CPB2: variants seen among roughly 807,000 people sequenced by gnomAD.
CPB2 encodes carboxypeptidase B2, also known as carboxypeptidase B-like protein.
CPB2 carries 54 observed loss-of-function variants against 57.0 expected under a neutral mutation model. That is an observed-to-expected ratio of 0.95 (90% CI 0.76 to 1.19). The LOEUF (loss-of-function observed/expected upper bound fraction) is 1.19, where lower values mean the gene tolerates loss of function less well. CPB2 is among the 50% of genes most tolerant of loss of function. CPB2 has a pLI of 0.00. For missense variants in CPB2, 426 were observed against 512.0 expected (o/e 0.83, Z 1.62); for synonymous variants, 189 against 178.1 (o/e 1.06, Z -0.49).
intron 1 of CPB2, among the ~76,000 whole-genome samples, chr13:46,094,315 A>G (rs1267980253): frequency 6.6e-6 from 1 of 152,160 alleles, no homozygotes; most frequent in Non-Finnish European, 1.5e-5. Flanking sequence ...AAACTACCCT[A>G]ACAGCATGTT....
In CPB2 at chr13:46,059,963, G is replaced by A. The variant is rs17844235; in HGVS notation, c.797-1582C>T. On this transcript the variant is annotated intron_variant, in intron 8 of 10. Coordinates refer to ENST00000181383, the MANE Select transcript of CPB2 (RefSeq NM_001872.5). ...TTGGATAAACCATTTTTGATAGTTC[G>A]GTCACCTTTGAATATTCCTGCCCTT... Among the ~76,000 whole-genome samples, 770 of 152,018 alleles carry A rather than the reference G, an allele frequency of 5.1e-3. 12 individuals carry two copies. Among genetic ancestry groups the A allele is most frequent in the African/African-American group, 0.017 (722 of 41,464 alleles).
intron 1 of CPB2, 56 bp downstream of exon 1, chr13:46,104,880 T>C (rs2045474877): frequency 2.5e-6 from 4 of 1,605,874 alleles, no homozygotes; most frequent in Non-Finnish European, 3.4e-6. Flanking sequence ...TGACACGACA[T>C]GAGGCAAACA....
chr13:46,075,414 T>G (rs1271774984), intron 5 of CPB2, among the ~76,000 whole-genome samples: 1 of 152,262 alleles, frequency 6.6e-6, no homozygotes, highest in Admixed American at 6.5e-5. Context: ...TCACATTATC[T>G]GCACATCCTT....
At chr13:46,085,072 G>C (rs895140291) in intron 2 of CPB2, among the ~76,000 whole-genome samples, 2 of 151,824 alleles carry the variant, frequency 1.3e-5, no homozygotes, top group African/African-American at 4.8e-5. Context: ...GGATGGTCTC[G>C]ATCTCCTGAC....
In CPB2 at chr13:46,067,343, C is replaced by T. The variant is rs143192437; in HGVS notation, c.666G>A (p.Val222=). 4.4e-5 allele frequency: 70 copies of T among 1,590,880 alleles called. No homozygotes were observed. In the African/African-American group the frequency reaches 6.5e-4, roughly 15 times the overall value. Residue 222 remains valine (V), a synonymous_variant, in exon 7 of 11, where the codon GTG becomes GTA. Transcript: ENST00000181383. The part of the protein sequence containing the change: ...LRLVDFYVMP[V]VNVDGYDYSW... The stretch of plus-strand genomic sequence containing the variant: ...AGTAGTCATAACCATCCACATTAAC[C>T]ACTGGCATAACATAGAAATCCACAA...
intron 2 of CPB2, among the ~76,000 whole-genome samples, chr13:46,085,731 T>C (rs2045193362): frequency 6.6e-6 from 1 of 152,176 alleles, no homozygotes; most frequent in Admixed American, 6.5e-5. Flanking sequence ...CTCTGCTTCT[T>C]GGAAAACACT....
intron 6 of CPB2, among the ~76,000 whole-genome samples, chr13:46,070,504 T>A (rs2139370099): frequency 6.6e-6 from 1 of 152,228 alleles, no homozygotes; most frequent in Admixed American, 6.5e-5. Flanking sequence ...TTCCTCTCAC[T>A]TTGCCTGGGG....
chr13:46,073,758 A>G lies in CPB2; in HGVS notation c.591+115T>C, dbSNP rs984388445. ...AACTTGTGAAAATTGTAGATTCCCA[A>G]GCTTCATGATGTGACCTAGGAAAAT... is the stretch of plus-strand genomic sequence containing the variant. On this transcript the variant is annotated intron_variant, in intron 6 of 10. Coordinates refer to ENST00000181383, the MANE Select transcript of CPB2 (RefSeq NM_001872.5). 5 of 608,352 alleles carry G rather than the reference A, an allele frequency of 8.2e-6. No individual in the cohort carries two copies. The South Asian group carries it at 2.0e-4, about 24-fold the overall frequency. 37.7% of individuals were successfully genotyped at this position (608,352 alleles called of 1,614,324 possible). A position where few individuals can be genotyped will look rare whatever the true frequency, so the allele number is the denominator to read the frequency against.
chr13:46,064,880 C>A, intron 7 of CPB2, 139 bp from the exon 8 acceptor site: 1 of 663,762 alleles, frequency 1.5e-6, no homozygotes. Flanking sequence ...CATCACATCA[C>A]TGTTGTTGCA....
chr13:46,085,248 A>AG, intron 2 of CPB2, among the ~76,000 whole-genome samples: 1 of 152,234 alleles, frequency 6.6e-6, no homozygotes, highest in Non-Finnish European at 1.5e-5. Flanking sequence ...GAAGAAATTA[A>AG]GGTTCATACC....
intron 1 of CPB2, among the ~76,000 whole-genome samples, chr13:46,090,540 T>C (rs2045276875): frequency 6.6e-6 from 1 of 151,486 alleles, no homozygotes; most frequent in Non-Finnish European, 1.5e-5. Context: ...TTTTTGTATT[T>C]TTTAGTAGAG....
intron 1 of CPB2, among the ~76,000 whole-genome samples, chr13:46,093,238 G>A (rs556413576): frequency 6.6e-6 from 1 of 152,170 alleles, no homozygotes; most frequent in Admixed American, 6.5e-5. Context: ...AGGGTGGAGG[G>A]TGGCTTTATT....
At chr13:46,088,137 A>T (rs1266460176) in intron 1 of CPB2, among the ~76,000 whole-genome samples, 2 of 152,170 alleles carry the variant, frequency 1.3e-5, no homozygotes. Flanking sequence ...GGGAATATTT[A>T]TGCTGATCCT....
chr13:46,054,000 T>G, intron 10 of CPB2, among the ~76,000 whole-genome samples: 1 of 152,224 alleles, frequency 6.6e-6, no homozygotes, highest in East Asian at 1.9e-4. Flanking sequence ...TTCCCTAGAA[T>G]AGATTTGCTA....
chr13:46,082,159 T>G (rs2045128095), intron 4 of CPB2, among the ~76,000 whole-genome samples: 1 of 152,204 alleles, frequency 6.6e-6, no homozygotes, highest in Non-Finnish European at 1.5e-5. Context: ...AAAGCCCCAA[T>G]TCTTTAATTT....
In CPB2 at chr13:46,067,339, T is replaced by C. The variant is rs2044871814; in HGVS notation, c.670A>G (p.Asn224Asp). The C allele has an allele frequency of 6.3e-7, 1 of 1,586,666 alleles. No individual in the cohort carries two copies. The highest frequency in any genetic ancestry group is 8.7e-7 in the Non-Finnish European group (1 of 1,155,296). The change falls in exon 7 of 11, where the codon AAT becomes GAT. Residue 224 changes from asparagine to aspartate, a missense_variant. Physicochemically the swap from Asn to Asp is conservative, Grantham distance 23. Coordinates refer to ENST00000181383, the MANE Select transcript of CPB2 (RefSeq NM_001872.5). ...CATGAGTAGTCATAACCATCCACATTAACCACTGGCATAACATAGAAATCC... is the reference window on the plus strand; with the variant it reads ...CATGAGTAGTCATAACCATCCACATCAACCACTGGCATAACATAGAAATCC... ...LVDFYVMPVV[N>D]VDGYDYSWKK...
chr13:46,059,978 T>C (rs780457705), intron 8 of CPB2, among the ~76,000 whole-genome samples: 12 of 152,342 alleles, frequency 7.9e-5, no homozygotes, highest in South Asian at 2.1e-4. Flanking sequence ...CCTTTGAATA[T>C]TCCTGCCCTT....
intron 4 of CPB2, among the ~76,000 whole-genome samples, chr13:46,080,372 G>C (rs865910596): frequency 2.0e-5 from 3 of 152,316 alleles, no homozygotes; most frequent in Middle Eastern, 3.4e-3. Context: ...AGAGCAAAAT[G>C]CTTATGGTTC....
chr13:46,093,790 T>C (rs2045328216), intron 1 of CPB2, among the ~76,000 whole-genome samples: 1 of 152,098 alleles, frequency 6.6e-6, no homozygotes, highest in African/African-American at 2.4e-5. Flanking sequence ...CAAATGAGAT[T>C]CTTTTTAAAA....
Sources: allele counts gnomAD v4.1 joint callset (sites outside exome capture counted in the v4.1 genomes callset), GRCh38; gene constraint gnomAD v4.1.1; transcripts MANE v1.5; gene names NCBI Gene and HGNC (gene_info 2026-07-23, HGNC 2026-07-21).